Variants in MS4A6A observed in about 807,000 individuals in gnomAD.
The protein encoded by MS4A6A is membrane-spanning 4-domains subfamily A member 6A.
In MS4A6A, 19 loss-of-function variants were observed where a neutral mutation model predicts 20.6. The observed-to-expected ratio is 0.92, with a 90% CI of 0.64 to 1.36. The LOEUF is 1.36. Among genes scored for constraint, MS4A6A ranks in the 40% most tolerant of loss-of-function variants. MS4A6A has a pLI of 0.00. For synonymous variants in MS4A6A, 108 were observed against 105.0 expected, an observed-to-expected ratio of 1.03 and a Z score of -0.17; for missense variants, 272 against 261.1, an observed-to-expected ratio of 1.04 and a Z score of -0.29.
chr11:60,177,345 G>A (rs1361014765), intron 4 of MS4A6A: 1 of 152,114 alleles, frequency 6.6e-6, no homozygotes, highest in Non-Finnish European at 1.5e-5. Context: ...TTTGTAGCCA[G>A]AGCTTCCAAA....
Position 60,182,986 on chromosome 11 carries a change from G to T in MS4A6A, c.-23C>A. On this transcript the variant is annotated 5_prime_UTR_variant, in exon 1 of 6. Transcript: ENST00000528851. ...CTTCCAGCATTACCTACCTGTGCCC[G>T]TTGGTTCCAGCTGAGTCCTCAGAAG... The T allele has an allele frequency of 1.5e-6, 2 of 1,377,506 alleles. No homozygotes were observed. Among genetic ancestry groups the T allele is most frequent in the Non-Finnish European group, 1.9e-6 (2 of 1,071,084 alleles). The allele number at this position is 1,377,506 out of a possible 1,614,324, so 85.3% of individuals were successfully genotyped here. A position where few individuals can be genotyped will look rare whatever the true frequency, so the allele number is the denominator to read the frequency against.
intron 4 of MS4A6A, among the ~76,000 whole-genome samples, chr11:60,176,575 A>G (rs1856849169): frequency 1.3e-5 from 2 of 152,180 alleles, no homozygotes; most frequent in African/African-American, 4.8e-5. Flanking sequence ...CCTCACAGCC[A>G]TACAGTAGAA....
chr11:60,184,481 A>G (rs577723042), upstream of MS4A6A: 33 of 152,316 alleles, frequency 2.2e-4, no homozygotes, highest in African/African-American at 6.7e-4. Context: ...TCTCTTCAGG[A>G]GCAATCACAC....
Position 60,183,032 on chromosome 11 carries a change from T to C in MS4A6A, c.-69A>G. ...AGAAGCTCCAAAGAGGTTTTAACTC[T>C]GGTTTCTCAGTCCCATCAACGGTTT... On this transcript the variant is annotated 5_prime_UTR_variant, in exon 1 of 6. Transcript: ENST00000528851. 2.1e-6 allele frequency: 3 copies of C among 1,436,594 alleles called. No homozygotes were observed. The South Asian group carries it at 4.6e-5, about 22-fold the overall frequency. The allele number at this position is 1,436,594 out of a possible 1,614,324, so 89.0% of individuals were successfully genotyped here.
chr11:60,178,952 G>T, intron 3 of MS4A6A: 1 of 307,188 alleles, frequency 3.3e-6, no homozygotes, highest in Non-Finnish European at 6.2e-6. Context: ...CAGCCTAGAG[G>T]ACCCTGAGGA....
upstream of MS4A6A, chr11:60,183,410 G>T (rs1176403766): frequency 7.9e-6 from 4 of 505,734 alleles, no homozygotes; most frequent in African/African-American, 2.0e-5. Context: ...AGCCTATGCT[G>T]CTTTGAAGCT....
chr11:60,172,859 A>G lies in MS4A6A; in HGVS notation c.*142T>C. On this transcript the variant is annotated 3_prime_UTR_variant, in exon 6 of 6. Coordinates refer to ENST00000528851, the MANE Select transcript of MS4A6A (RefSeq NM_022349.4). The stretch of plus-strand genomic sequence containing the variant: ...TGAATTTTCAGCTTATCAGCTACTC[A>G]ATTGCCATCTGCTTTTCTTCTCTGT... The G allele has an allele frequency of 2.0e-6, 3 of 1,475,990 alleles. No individual in the cohort carries two copies. The highest frequency in any genetic ancestry group is 2.7e-6 in the Non-Finnish European group (3 of 1,110,814). The allele number at this position is 1,475,990 out of a possible 1,614,324, so 91.4% of individuals were successfully genotyped here. A position where few individuals can be genotyped will look rare whatever the true frequency, so the allele number is the denominator to read the frequency against.
intron 2 of MS4A6A, chr11:60,181,083 C>A: frequency 2.2e-6 from 1 of 452,776 alleles, no homozygotes; most frequent in South Asian, 1.6e-5. Flanking sequence ...AATACAGCTT[C>A]TTTAATAAAT....
chr11:60,172,922 CAT>C lies in MS4A6A; in HGVS notation c.*77_*78del. The C allele has an allele frequency of 2.5e-6, 4 of 1,596,630 alleles. No homozygotes were observed. Among genetic ancestry groups the C allele is most frequent in the Non-Finnish European group, 2.6e-6 (3 of 1,168,396 alleles). On this transcript the variant is annotated 3_prime_UTR_variant, in exon 6 of 6. Coordinates refer to ENST00000528851, the MANE Select transcript of MS4A6A (RefSeq NM_022349.4). The stretch of plus-strand genomic sequence containing the variant: ...TGCAAATGCCCTCCCATGTGTATCT[CAT>C]GACTGACTGATTGTTCCTTCTACCA...
At chr11:60,172,126 C>A, downstream of MS4A6A, 1 of 1,591,546 alleles carries the variant, frequency 6.3e-7, no homozygotes, top group South Asian at 1.1e-5. Context: ...TCATAAGAAT[C>A]AACTTTCTGA....
intron 2 of MS4A6A, 59 bp downstream of exon 2, chr11:60,181,522 T>TA: frequency 1.9e-6 from 3 of 1,599,792 alleles, no homozygotes; most frequent in Non-Finnish European, 2.6e-6. Flanking sequence ...TCCCAAGACA[T>TA]ATATCATCTC....
In MS4A6A at chr11:60,182,973, C is replaced by A. The variant is rs778408253; in HGVS notation, c.-15+5G>T. The A allele has an allele frequency of 4.1e-4, 568 of 1,369,728 alleles. No individual in the cohort carries two copies. The highest frequency in any genetic ancestry group is 5.1e-4 in the Non-Finnish European group (548 of 1,066,398). The allele number at this position is 1,369,728 out of a possible 1,614,324, so 84.8% of individuals were successfully genotyped here. A position where few individuals can be genotyped will look rare whatever the true frequency, so the allele number is the denominator to read the frequency against. ...AGATGAGAAAAGTCTTCCAGCATTA[C>A]CTACCTGTGCCCGTTGGTTCCAGCT... On this transcript the variant is annotated splice_donor_5th_base_variant and intron_variant, in intron 1 of 5. Transcript: ENST00000528851.
upstream of MS4A6A, chr11:60,183,476 A>C (rs958133162): frequency 1.1e-5 from 4 of 355,128 alleles, no homozygotes; most frequent in African/African-American, 8.5e-5. Context: ...ATATAGAGAA[A>C]GAACAATATT....
At chr11:60,173,706 T>C (rs1200700862) in intron 5 of MS4A6A, among the ~76,000 whole-genome samples, 1 of 152,262 alleles carries the variant, frequency 6.6e-6, no homozygotes, top group Non-Finnish European at 1.5e-5. Context: ...TTTTTGTTGT[T>C]GTTTCTTTGT....
chr11:60,182,537 G>C (rs1376764233), intron 1 of MS4A6A: 1 of 152,220 alleles, frequency 6.6e-6, no homozygotes, highest in African/African-American at 2.4e-5. Context: ...TCAGGCTGGA[G>C]AAACAGCTGC....
At chr11:60,177,552 G>A (rs1482708614) in intron 4 of MS4A6A, 1 of 149,534 alleles carries the variant, frequency 6.7e-6, no homozygotes, top group African/African-American at 2.5e-5. Context: ...GACGGGTAAA[G>A]CTTTGTTTTT....
chr11:60,172,557 C>T lies in MS4A6A; in HGVS notation c.*444G>A. 2 of 1,124,790 alleles carry T rather than the reference C, an allele frequency of 1.8e-6. No individual in the cohort carries two copies. The highest frequency in any genetic ancestry group is 3.0e-5 in the South Asian group (1 of 33,084). 69.7% of individuals were successfully genotyped at this position (1,124,790 alleles called of 1,614,324 possible). A position where few individuals can be genotyped will look rare whatever the true frequency, so the allele number is the denominator to read the frequency against. On this transcript the variant is annotated 3_prime_UTR_variant, in exon 6 of 6. Transcript: ENST00000528851. The stretch of plus-strand genomic sequence containing the variant: ...AAAGGCAAACGAATTTTAAGATCAC[C>T]AGGGGCAAATGCAGAGCATAAGACA...
At chr11:60,182,822 A>G in intron 1 of MS4A6A, 156 bp downstream of exon 1, 1 of 230,126 alleles carries the variant, frequency 4.3e-6, no homozygotes, top group Non-Finnish European at 8.3e-6. Flanking sequence ...GCGGACACAG[A>G]GTTAAAAACA....
chr11:60,178,446 CATTTAAATACATAGATT>C, intron 3 of MS4A6A, 130 bp from the exon 4 acceptor site: 1 of 633,998 alleles, frequency 1.6e-6, no homozygotes, highest in Admixed American at 3.0e-5. Context: ...AGGTAAGTTC[CATTTAAATACATAGATT>C]TGTCCCTTTG....
Sources: gnomAD v4.1 joint callset for allele counts (sites outside exome capture counted in the v4.1 genomes callset) on GRCh38, gnomAD v4.1.1 for gene constraint, MANE v1.5 for transcripts, NCBI Gene and HGNC (gene_info 2026-07-23, HGNC 2026-07-21) for gene names.